INO80: variants seen among roughly 807,000 people sequenced by gnomAD.
The protein encoded by INO80 is chromatin-remodeling ATPase INO80.
INO80 carries 20 observed loss-of-function variants against 203.4 expected under a neutral mutation model. That is an observed-to-expected ratio of 0.10 (90% confidence interval 0.07 to 0.14). The LOEUF is 0.14. INO80 is among the 10% of genes least tolerant of loss of function. The pLI, the probability that INO80 is intolerant of heterozygous loss-of-function variation, is 1.00. For missense variants in INO80, 1,419 were observed against 1,914.4 expected (o/e 0.74, Z 4.83); for synonymous variants, 726 against 685.2 (o/e 1.06, Z -0.93).
chr15:41,074,046 G>A (rs768829252), intron 10 of INO80, among the ~76,000 whole-genome samples: 53 of 152,194 alleles, frequency 3.5e-4, no homozygotes, highest in Middle Eastern at 6.8e-3. Flanking sequence ...CGTATTATGT[G>A]AGAGATGTTT....
chr15:41,092,901 G>C (rs996944627), intron 4 of INO80, among the ~76,000 whole-genome samples: 1 of 152,234 alleles, frequency 6.6e-6, no homozygotes, highest in Non-Finnish European at 1.5e-5. Flanking sequence ...TACAGAAAAA[G>C]ACATGTGCCT....
At chr15:41,090,201 T>G (rs2140651521) in intron 5 of INO80, among the ~76,000 whole-genome samples, 1 of 152,266 alleles carries the variant, frequency 6.6e-6, no homozygotes, top group East Asian at 1.9e-4. Flanking sequence ...AATATGACAT[T>G]AAGTGAGAGA....
chr15:41,100,154 A>G (rs2045786056), intron 1 of INO80, among the ~76,000 whole-genome samples: 1 of 151,892 alleles, frequency 6.6e-6, no homozygotes, highest in East Asian at 1.9e-4. Flanking sequence ...GGCTCACTGC[A>G]AGCTCTGCCT....
intron 32 of INO80, among the ~76,000 whole-genome samples, chr15:40,984,804 G>A (rs1164683308): frequency 1.3e-5 from 2 of 152,200 alleles, no homozygotes; most frequent in African/African-American, 4.8e-5. Context: ...TCCCACAAAA[G>A]AGAGGGCCAA....
rs543808655 is a variant in INO80, at chr15:41,041,127, T to A, written c.2907+3777A>T. 8.5e-5 allele frequency among the ~76,000 whole-genome samples: 13 copies of A among 152,320 alleles called. No homozygotes were observed. The South Asian group carries it at 2.3e-3, about 27-fold the overall frequency. On this transcript the variant is annotated intron_variant, in intron 24 of 35. Coordinates refer to ENST00000648947, the MANE Select transcript of INO80 (RefSeq NM_017553.3). The stretch of plus-strand genomic sequence containing the variant: ...CTCTCCGAGGCTCAGAGTGCAGTGG[T>A]GGGATCACCGTTTATTGTAGCCTCA...
intron 22 of INO80, 84 bp downstream of exon 22, chr15:41,048,128 G>A (rs1162648832): frequency 3.9e-6 from 4 of 1,025,260 alleles, no homozygotes; most frequent in African/African-American, 3.2e-5. Flanking sequence ...ACTAATACTC[G>A]TTCTAAATCA....
chr15:41,066,059 A>T (rs1451326681), intron 14 of INO80, among the ~76,000 whole-genome samples: 15 of 149,858 alleles, frequency 1.0e-4, no homozygotes, highest in East Asian at 7.8e-4. Context: ...GCTCACCACA[A>T]CCTCTGCCTC....
At chr15:40,993,077 G>A (rs1451561840) in intron 29 of INO80, among the ~76,000 whole-genome samples, 2 of 152,186 alleles carry the variant, frequency 1.3e-5, no homozygotes, top group Non-Finnish European at 2.9e-5. Flanking sequence ...TTACAGGCAT[G>A]AGCCACCATG....
chr15:41,058,242 A>G (rs1476547772), intron 16 of INO80, among the ~76,000 whole-genome samples: 1 of 152,208 alleles, frequency 6.6e-6, no homozygotes, highest in Non-Finnish European at 1.5e-5. Context: ...CAGGGAGATA[A>G]AAGTTGAGAA....
chr15:41,095,494 A>G lies in INO80; in HGVS notation c.381+107T>C. 3.9e-6 allele frequency: 3 copies of G among 773,354 alleles called. No individual in the cohort carries two copies. The South Asian group carries it at 5.0e-5, about 13-fold the overall frequency. 47.9% of individuals were successfully genotyped at this position (773,354 alleles called of 1,614,324 possible). A position where few individuals can be genotyped will look rare whatever the true frequency, so the allele number is the denominator to read the frequency against. ...AAACCACATCCAGTATAAGAGAATCATATTTGAAAAACTCTGTCAATCTGC... is the reference window on the plus strand; with the variant it reads ...AAACCACATCCAGTATAAGAGAATCGTATTTGAAAAACTCTGTCAATCTGC... On this transcript the variant is annotated intron_variant, in intron 4 of 35. Transcript: ENST00000648947.
intron 30 of INO80, 45 bp from the exon 31 acceptor site, chr15:40,987,238 C>A (rs1311924869): frequency 8.7e-7 from 1 of 1,144,356 alleles, no homozygotes; most frequent in South Asian, 1.2e-5. Flanking sequence ...CATCCATTCC[C>A]TTATGGCAAA....
In INO80 at chr15:40,986,842, G is replaced by A. The variant is rs141457213; in HGVS notation, c.3832+249C>T. Among the ~76,000 whole-genome samples the A allele has an allele frequency of 1.7e-3, 253 of 152,264 alleles. 1 individual carries two copies. The highest frequency in any genetic ancestry group is 6.8e-3 in the Middle Eastern group (2 of 294). ...GGGTTTCACAATGTTGGCCAGGCTG[G>A]TCTCAAACTCAAACTCCTGACCTCA... On this transcript the variant is annotated intron_variant, in intron 31 of 35. Transcript: ENST00000648947.
At chr15:41,086,738 C>T (rs1232009706) in intron 6 of INO80, among the ~76,000 whole-genome samples, 2 of 152,058 alleles carry the variant, frequency 1.3e-5, no homozygotes, top group African/African-American at 4.8e-5. Flanking sequence ...CAGTTTCCTT[C>T]CTGATATCCA....
intron 24 of INO80, among the ~76,000 whole-genome samples, chr15:41,032,008 C>T (rs1185265541): frequency 3.3e-5 from 2 of 60,560 alleles, no homozygotes; most frequent in African/African-American, 1.1e-4. Flanking sequence ...GACAGCACAG[C>T]ACAGCACAGC....
Position 41,093,236 on chromosome 15 carries a change from C to T in INO80, c.382-1054G>A, listed in dbSNP as rs534187781. Among the ~76,000 whole-genome samples, 3 of 151,860 alleles carry T rather than the reference C, an allele frequency of 2.0e-5. No homozygotes were observed. In the East Asian group the frequency reaches 5.9e-4, roughly 30 times the overall value. ...GGTCAGGAGTTTGAGAACAGCCTGGCTAACATGGTGAAACCCTGTCTCTAC... is the reference window on the plus strand; with the variant it reads ...GGTCAGGAGTTTGAGAACAGCCTGGTTAACATGGTGAAACCCTGTCTCTAC... On this transcript the variant is annotated intron_variant, in intron 4 of 35. Transcript: ENST00000648947.
chr15:41,053,845 A>G (rs374144463), intron 19 of INO80, 84 bp downstream of exon 19: 2 of 1,022,584 alleles, frequency 2.0e-6, no homozygotes. Context: ...AACTTCAACT[A>G]AACATATATC....
chr15:41,040,222 T>C (rs2044646136), intron 24 of INO80, among the ~76,000 whole-genome samples: 1 of 152,254 alleles, frequency 6.6e-6, no homozygotes, highest in African/African-American at 2.4e-5. Context: ...ATAAAATTTA[T>C]ATGCCAATTC....
At position 41,020,996 on chromosome 15, in the gene INO80, C is replaced by A; in HGVS notation, c.3178G>T (p.Asp1060Tyr). Residue 1060 changes from aspartate to tyrosine, a missense_variant, in exon 26 of 36, where the codon GAC (aspartate) becomes TAC (tyrosine). Asp to Tyr is a radical substitution (Grantham distance 160, BLOSUM62 -3). This residue lies in a region of INO80 where 302 missense variants were observed against 345.4 expected (regional missense o/e 0.87). Coordinates refer to ENST00000648947, the MANE Select transcript of INO80 (RefSeq NM_017553.3). ...AACTGTGATCGTCTATTTAGCCAGT[C>A]TGCAGCCAGTTCAGGGGCCCCATTC... ...LLNGAPELAADWLNRRSQFFP... is the reference protein window; with the variant it reads ...LLNGAPELAAYWLNRRSQFFP... 6.2e-7 allele frequency: 1 copy of A among 1,614,174 alleles called. No individual in the cohort carries two copies. Among genetic ancestry groups the A allele is most frequent in the East Asian group, 2.2e-5 (1 of 44,880 alleles).
At chr15:41,111,326 G>C (rs1042352253) in intron 1 of INO80, among the ~76,000 whole-genome samples, 3 of 152,068 alleles carry the variant, frequency 2.0e-5, no homozygotes, top group African/African-American at 7.2e-5. Context: ...CATGCCTGTA[G>C]TCCCGGTTAC....
Sources: gnomAD v4.1 joint callset for allele counts (sites outside exome capture counted in the v4.1 genomes callset) on GRCh38, gnomAD v4.1.1 for gene constraint, gnomAD v4.1.1 regional missense constraint, MANE v1.5 for transcripts, NCBI Gene and HGNC (gene_info 2026-07-23, HGNC 2026-07-21) for gene names.